Variants in LUC7L2 observed in about 807,000 individuals in gnomAD.
LUC7L2 encodes putative RNA-binding protein Luc7-like 2.
A neutral mutation model predicts 52.8 loss-of-function variants in LUC7L2; 25 were observed. The ratio of observed to expected loss-of-function variants is 0.47; its 90% CI spans 0.34 to 0.66. The LOEUF (loss-of-function observed/expected upper bound fraction) is 0.66, where lower values mean the gene tolerates loss of function less well. LUC7L2 is among the 30% of genes least tolerant of loss of function. The probability of loss-of-function intolerance (pLI) is 0.01; values close to 1 mark genes in which losing one functional copy is unlikely to be tolerated. For synonymous variants in LUC7L2, 144 were observed against 160.9 expected (o/e 0.89, Z 0.80); for missense variants, 328 against 497.8 (o/e 0.66, Z 3.25).
intron 2 of LUC7L2, among the ~76,000 whole-genome samples, chr7:139,384,288 T>C (rs1256106707): frequency 6.6e-6 from 1 of 152,050 alleles, no homozygotes; most frequent in Non-Finnish European, 1.5e-5. Flanking sequence ...GTCAAATGTA[T>C]ATATATTTCA....
chr7:139,409,792 G>A (rs1396887391), intron 7 of LUC7L2, 138 bp downstream of exon 7: 15 of 1,269,600 alleles, frequency 1.2e-5, no homozygotes, highest in Non-Finnish European at 1.4e-5. Flanking sequence ...AAATATTACT[G>A]TGCGAATTAT....
chr7:139,412,573 C>G lies in LUC7L2; in HGVS notation c.802C>G (p.Pro268Ala). The G allele has an allele frequency of 2.5e-6, 4 of 1,599,280 alleles. No homozygotes were observed. The highest frequency in any genetic ancestry group is 2.6e-6 in the Non-Finnish European group (3 of 1,175,336). ...TAGGTCCCGATCACACAGCAAGAAT[C>G]CAAAAAGGTAGGTGTATTACATAAG... is the stretch of plus-strand genomic sequence containing the variant. ...LRRSRSHSKN[P>A]KRSRSREHRR... is the part of the protein sequence containing the mutation. The change falls in exon 8 of 10, where the codon CCA becomes GCA. Residue 268 changes from proline to alanine, a missense_variant. Physicochemically the swap from Pro to Ala is conservative, Grantham distance 27 (BLOSUM62 -1). This residue lies in a region of LUC7L2 where 195 missense variants were observed against 223.3 expected (regional missense o/e 0.87). Coordinates refer to ENST00000354926, the MANE Select transcript of LUC7L2 (RefSeq NM_016019.5).
rs551864028 is a variant in LUC7L2 at position 139,402,038 on chromosome 7, A to G, written c.256-99A>G. The stretch of plus-strand genomic sequence containing the variant: ...CTGACGTGAGCCACCGTGCCCCACC[A>G]TGGTAGCATTTTAAAAAGCAAAGTG... On this transcript the variant is annotated intron_variant, in intron 3 of 9. Transcript: ENST00000354926. 2.1e-4 allele frequency: 276 copies of G among 1,311,972 alleles called. 2 individuals carry two copies. In the East Asian group the frequency reaches 7.8e-3, roughly 37 times the overall value. The allele number at this position is 1,311,972 out of a possible 1,614,324, so 81.3% of individuals were successfully genotyped here.
chr7:139,392,591 C>T, intron 2 of LUC7L2: 1 of 199,180 alleles, frequency 5.0e-6, no homozygotes, highest in South Asian at 6.0e-5. Context: ...ACAATCTAAG[C>T]ATTTAGATGT....
At chr7:139,394,426 T>G (rs73154163) in intron 2 of LUC7L2, among the ~76,000 whole-genome samples, 3,038 of 152,322 alleles carry the variant, frequency 0.02, 34 homozygotes, top group South Asian at 0.051. Context: ...AGTGGTAAAA[T>G]TGTATCTTTC....
intron 1 of LUC7L2, chr7:139,363,333 G>A (rs1799977558): frequency 4.1e-6 from 3 of 740,508 alleles, no homozygotes; most frequent in South Asian, 1.2e-4. Flanking sequence ...CATATAACTG[G>A]GGGTCTGACT....
intron 8 of LUC7L2, chr7:139,416,040 A>AAT (rs66498771): frequency 0.011 from 1,081 of 96,962 alleles, 29 homozygotes; most frequent in Non-Finnish European, 0.02. Flanking sequence ...TGAGGTATAA[A>AAT]ATATATATAT....
intron 1 of LUC7L2, among the ~76,000 whole-genome samples, chr7:139,362,314 CT>C (rs200939804): frequency 4.0e-5 from 6 of 151,634 alleles, no homozygotes; most frequent in East Asian, 1.9e-4. Context: ...TCAGAACATT[CT>C]TTTTTTTCTT....
intron 4 of LUC7L2, among the ~76,000 whole-genome samples, chr7:139,404,488 G>A (rs1391624199): frequency 1.3e-5 from 2 of 152,090 alleles, no homozygotes; most frequent in Non-Finnish European, 2.9e-5. Flanking sequence ...CAGCCTGGGC[G>A]ACAGAGCAAG....
At position 139,417,665 on chromosome 7, in the gene LUC7L2, A is replaced by C; in HGVS notation, c.937A>C (p.Ser313Arg). The change falls in exon 9 of 10, where the codon AGC (serine) becomes CGC (arginine). Residue 313 changes from serine to arginine, a missense_variant. Ser to Arg is a moderately radical substitution (Grantham distance 110). Transcript: ENST00000354926. ...GTCCCGCTCCAGCAGCCGTAGCCGC[A>C]GCCGTAGCCACCAGAGAAGTCGGCA... ...HRSRSSSRSR[S>R]RSHQRSRHSS... The C allele has an allele frequency of 6.2e-7, 1 of 1,614,204 alleles. No individual in the cohort carries two copies. The highest frequency in any genetic ancestry group is 8.5e-7 in the Non-Finnish European group (1 of 1,180,034).
At chr7:139,398,482 C>A (rs966433453) in intron 2 of LUC7L2, 117 bp from the exon 3 acceptor site, 7 of 703,352 alleles carry the variant, frequency 1.0e-5, no homozygotes, top group Non-Finnish European at 1.5e-5. Context: ...TTTGGAAGCC[C>A]CTACATAAAA....
intron 1 of LUC7L2, among the ~76,000 whole-genome samples, chr7:139,350,268 C>T (rs1445175697): frequency 1.3e-5 from 2 of 151,996 alleles, no homozygotes; most frequent in East Asian, 3.9e-4. Flanking sequence ...ACTACAGGCG[C>T]CCGCCACCAC....
At chr7:139,414,161 T>C (rs1191692471) in intron 8 of LUC7L2, among the ~76,000 whole-genome samples, 1 of 152,224 alleles carries the variant, frequency 6.6e-6, no homozygotes, top group African/African-American at 2.4e-5. Context: ...ATTCTATTTT[T>C]CACACGTCAG....
intron 9 of LUC7L2, 42 bp from the exon 10 acceptor site, chr7:139,422,121 G>A: frequency 1.3e-6 from 2 of 1,559,282 alleles, no homozygotes; most frequent in Non-Finnish European, 1.7e-6. Context: ...TGGGTTTTTG[G>A]GTTTCCCAAC....
At position 139,416,078 on chromosome 7, in the gene LUC7L2, T is replaced by TC. The variant is rs1585136293; in HGVS notation, c.810-1460_810-1459insC. The stretch of plus-strand genomic sequence containing the variant: ...ATATATATATATATATATATATATA[T>TC]ATATATATATATGATTTACTCTGAA... On this transcript the variant is annotated intron_variant, in intron 8 of 9. Transcript: ENST00000354926. 9 of 135,710 alleles carry TC rather than the reference T, an allele frequency of 6.6e-5. No individual in the cohort carries two copies. In the East Asian group the frequency reaches 1.6e-3, roughly 24 times the overall value. The allele number at this position is 135,710 out of a possible 1,614,324, so 8.4% of individuals were successfully genotyped here.
chr7:139,405,647 G>A lies in LUC7L2; in HGVS notation c.370G>A (p.Glu124Lys). The A allele has an allele frequency of 6.3e-7, 1 of 1,594,850 alleles. No individual in the cohort carries two copies. The highest frequency in any genetic ancestry group is 8.5e-7 in the Non-Finnish European group (1 of 1,174,610). ...CTTCTTTTTTATTTCTTTTTAGGCA[G>A]AACGTGTTCATGAGTTAAATGAAGA... The part of the protein sequence containing the change: ...EISAEVAAKA[E>K]RVHELNEEIG... The change falls in exon 5 of 10, where the codon GAA becomes AAA. Residue 124 changes from glutamate to lysine, a missense_variant. Transcript: ENST00000354926.
rs141546350 is a variant in LUC7L2, at chr7:139,362,278, AAATT to A, written c.61+1961_61+1964del. Among the ~76,000 whole-genome samples, 400 of 152,290 alleles carry A rather than the reference AAATT, an allele frequency of 2.6e-3. 3 individuals carry two copies. Among genetic ancestry groups the A allele is most frequent in the African/African-American group, 8.9e-3 (368 of 41,560 alleles). ...TGAGTGGAGTTTTTTTTAGATATCA[AAATT>A]AATTCTATATATGCAAAATAATCAG... On this transcript the variant is annotated intron_variant, in intron 1 of 9. Transcript: ENST00000354926.
intron 1 of LUC7L2, among the ~76,000 whole-genome samples, chr7:139,347,523 G>T (rs1799308037): frequency 6.6e-6 from 1 of 151,648 alleles, no homozygotes; most frequent in Non-Finnish European, 1.5e-5. Flanking sequence ...GGAGACGGAG[G>T]TTGCAGTGAG....
intron 8 of LUC7L2, among the ~76,000 whole-genome samples, chr7:139,414,138 C>T (rs181872511): frequency 1.2e-4 from 18 of 152,324 alleles, no homozygotes; most frequent in South Asian, 1.0e-3. Flanking sequence ...TGCCCACCCC[C>T]CTTCTTCACC....
Sources: allele counts gnomAD v4.1 joint callset (sites outside exome capture counted in the v4.1 genomes callset), GRCh38; gene constraint gnomAD v4.1.1; regional missense constraint gnomAD v4.1.1; transcripts MANE v1.5; gene names NCBI Gene and HGNC (gene_info 2026-07-23, HGNC 2026-07-21).